The following FOXK1 variants were observed in gnomAD, a reference collection of about 807,000 sequenced individuals.
FOXK1 encodes forkhead box K1.
FOXK1 carries 19 observed loss-of-function variants against 51.9 expected under a neutral mutation model. The ratio of observed to expected loss-of-function variants is 0.37; its 90% CI spans 0.26 to 0.54. The LOEUF is 0.54. Ranked by LOEUF, FOXK1 falls within the 20% of genes least tolerant of loss-of-function variation. The pLI, the probability that FOXK1 is intolerant of heterozygous loss-of-function variation, is 0.87. For missense variants in FOXK1, 870 were observed against 1,032.7 expected, an observed-to-expected ratio of 0.84 and a Z score of 2.16; for synonymous variants, 537 against 482.6, an observed-to-expected ratio of 1.11 and a Z score of -1.48.
In FOXK1 at chr7:4,709,960, G is replaced by A. The variant is rs1051746799; in HGVS notation, c.560+27092G>A. Reference sequence around the variant, plus strand: ...TGTTAGGCGTTAACATTGTTCCCGCGTGAAGGGGTAGAAGAACAGGCAAAA... The same window carrying A: ...TGTTAGGCGTTAACATTGTTCCCGCATGAAGGGGTAGAAGAACAGGCAAAA... On this transcript the variant is annotated intron_variant, in intron 1 of 8. Transcript: ENST00000328914. The surrounding 1 kb of genome is among the most constrained non-coding windows in gnomAD (Gnocchi z 5.6). 7.9e-5 allele frequency among the ~76,000 whole-genome samples: 12 copies of A among 152,352 alleles called. No individual in the cohort carries two copies. Among genetic ancestry groups the A allele is most frequent in the African/African-American group, 1.9e-4 (8 of 41,584 alleles).
chr7:4,718,196 C>T (rs1332624447), intron 1 of FOXK1, among the ~76,000 whole-genome samples: 3 of 150,800 alleles, frequency 2.0e-5, no homozygotes, highest in Admixed American at 2.0e-4. Flanking sequence ...GCATCACAGC[C>T]GGGAAGTTGG....
intron 1 of FOXK1, among the ~76,000 whole-genome samples, chr7:4,708,623 A>T (rs1406254819): frequency 6.6e-6 from 1 of 152,248 alleles, no homozygotes; most frequent in African/African-American, 2.4e-5. Context: ...GTGGCCTGGT[A>T]AGGAGAGTTC....
intron 1 of FOXK1, among the ~76,000 whole-genome samples, chr7:4,699,315 C>T (rs1779991692): frequency 1.4e-5 from 2 of 147,866 alleles, no homozygotes; most frequent in South Asian, 2.2e-4. Context: ...GACAGTCTCA[C>T]TCTGTCACCC....
intron 1 of FOXK1, among the ~76,000 whole-genome samples, chr7:4,712,542 G>A (rs534424921): frequency 7.2e-5 from 11 of 152,236 alleles, no homozygotes; most frequent in South Asian, 6.2e-4. Flanking sequence ...CCTGCCCCGC[G>A]CGCTTATTTG....
chr7:4,721,177 G>A (rs1216028119), intron 1 of FOXK1, among the ~76,000 whole-genome samples: 6 of 152,150 alleles, frequency 3.9e-5, no homozygotes, highest in East Asian at 1.9e-4. Flanking sequence ...GAGGTTCTCC[G>A]TTCAGTCTGC....
At chr7:4,720,477 CT>C (rs1342123075) in intron 1 of FOXK1, among the ~76,000 whole-genome samples, 1 of 152,098 alleles carries the variant, frequency 6.6e-6, no homozygotes, top group Non-Finnish European at 1.5e-5. Context: ...CTTTTTCATT[CT>C]GTGTGAGCCC....
intron 1 of FOXK1, among the ~76,000 whole-genome samples, chr7:4,712,993 G>A (rs1481239505): frequency 6.6e-6 from 1 of 152,152 alleles, no homozygotes; most frequent in East Asian, 1.9e-4. Context: ...AAAGAGGGGC[G>A]ATAATGACCA....
chr7:4,699,593 C>T (rs1040654327), intron 1 of FOXK1, among the ~76,000 whole-genome samples: 11 of 152,072 alleles, frequency 7.2e-5, no homozygotes, highest in African/African-American at 2.7e-4. Context: ...GTCTCGAACT[C>T]CTGGCCTCAA....
intron 1 of FOXK1, among the ~76,000 whole-genome samples, chr7:4,688,616 G>A (rs1779850750): frequency 6.6e-6 from 1 of 152,056 alleles, no homozygotes; most frequent in East Asian, 1.9e-4. Flanking sequence ...TCGAAGTCCT[G>A]TCTCCAGTGA....
chr7:4,742,469 T>C (rs1451367499), intron 2 of FOXK1, among the ~76,000 whole-genome samples: 2 of 152,034 alleles, frequency 1.3e-5, no homozygotes, highest in Non-Finnish European at 1.5e-5. Flanking sequence ...CAGGCTAGAG[T>C]GCAGTGGCGC....
Position 4,753,534 on chromosome 7 carries a change from C to T in FOXK1, c.747-925C>T, listed in dbSNP as rs1167529169. Reference sequence around the variant, plus strand: ...GGGGGATGTCAGCATCACAGGTGGGCAGGGTCCATCTCAGGACGGGGCTAG... The same window carrying T: ...GGGGGATGTCAGCATCACAGGTGGGTAGGGTCCATCTCAGGACGGGGCTAG... On this transcript the variant is annotated intron_variant, in intron 2 of 8. Coordinates refer to ENST00000328914, the MANE Select transcript of FOXK1 (RefSeq NM_001037165.2). This position sits in a 1 kb window ranked among gnomAD's most constrained non-coding sequence, Gnocchi z 4.9. Among the ~76,000 whole-genome samples the T allele has an allele frequency of 6.6e-6, 1 of 152,122 alleles. No homozygotes were observed. Among genetic ancestry groups the T allele is most frequent in the East Asian group, 1.9e-4 (1 of 5,192 alleles).
rs1295329556 is a variant in FOXK1 at position 4,715,384 on chromosome 7, A to C, written c.561-25454A>C. 6.6e-6 allele frequency among the ~76,000 whole-genome samples: 1 copy of C among 152,124 alleles called. No individual in the cohort carries two copies. The highest frequency in any genetic ancestry group is 1.5e-5 in the Non-Finnish European group (1 of 68,026). On this transcript the variant is annotated intron_variant, in intron 1 of 8. Transcript: ENST00000328914. This position sits in a 1 kb window ranked among gnomAD's most constrained non-coding sequence, Gnocchi z 4.5. ...GCGCTCAGCTGTGGGTGGCCCGTGT[A>C]CAGGAATGGGATCGCACGGTGGTCC...
intron 7 of FOXK1, chr7:4,759,808 A>G (rs1583213146): frequency 1.6e-6 from 1 of 626,424 alleles, no homozygotes; most frequent in East Asian, 2.9e-5. Flanking sequence ...AAGCGGGTGG[A>G]TTACTTGAGG....
rs963179388 is a variant in FOXK1, at chr7:4,723,182, G to A, written c.561-17656G>A. Among the ~76,000 whole-genome samples, 15 of 151,856 alleles carry A rather than the reference G, an allele frequency of 9.9e-5. No individual in the cohort carries two copies. Among genetic ancestry groups the A allele is most frequent in the African/African-American group, 3.1e-4 (13 of 41,348 alleles). ...CACTGGGTCCAGGGCGCCTGCTCGC[G>A]GTCACCCATAGGGTGGGTGGACACC... is the stretch of plus-strand genomic sequence containing the variant. On this transcript the variant is annotated intron_variant, in intron 1 of 8. Transcript: ENST00000328914. This position sits in a 1 kb window ranked among gnomAD's most constrained non-coding sequence, Gnocchi z 4.7.
At position 4,734,051 on chromosome 7, in the gene FOXK1, C is replaced by T. The variant is rs892269888; in HGVS notation, c.561-6787C>T. Among the ~76,000 whole-genome samples, 7 of 152,170 alleles carry T rather than the reference C, an allele frequency of 4.6e-5. No individual in the cohort carries two copies. The highest frequency in any genetic ancestry group is 7.2e-5 in the African/African-American group (3 of 41,436). On this transcript the variant is annotated intron_variant, in intron 1 of 8. Transcript: ENST00000328914. The surrounding 1 kb of genome is among the most constrained non-coding windows in gnomAD (Gnocchi z 5.2). ...AGGGAAGGCCATCAGACTTCCAGCT[C>T]GTCACCCATGTCCTCAACCCCTAAC...
Position 4,761,174 on chromosome 7 carries a change from A to G in FOXK1, c.1807A>G (p.Ile603Val). ...APGVPGHTVT[I>V]LQPATPVTLG... is the part of the protein sequence containing the mutation. ...CGGGGTCCCCGGACACACGGTCACC[A>G]TCCTGCAGCCCGCCACACCCGTGAC... Residue 603 changes from isoleucine to valine, a missense_variant, in exon 8 of 9, where the codon ATC (isoleucine) becomes GTC (valine). Physicochemically the swap from Ile to Val is conservative, Grantham distance 29 (BLOSUM62 3). Coordinates refer to ENST00000328914, the MANE Select transcript of FOXK1 (RefSeq NM_001037165.2). The surrounding 1 kb of genome is among the most constrained non-coding windows in gnomAD (Gnocchi z 6.2). 1 of 1,612,632 alleles carries G rather than the reference A, an allele frequency of 6.2e-7. No homozygotes were observed. Among genetic ancestry groups the G allele is most frequent in the Non-Finnish European group, 8.5e-7 (1 of 1,179,970 alleles).
Position 4,705,656 on chromosome 7 carries a change from C to G in FOXK1, c.560+22788C>G, listed in dbSNP as rs145338038. Among the ~76,000 whole-genome samples the G allele has an allele frequency of 2.1e-3, 319 of 151,708 alleles. 1 individual carries two copies. The highest frequency in any genetic ancestry group is 7.3e-3 in the African/African-American group (302 of 41,376). On this transcript the variant is annotated intron_variant, in intron 1 of 8. Transcript: ENST00000328914. ...CATTGAAGCAATTCTCCTGCCTCAG[C>G]CTCCCAAGCAGCTGGGACTATACAG...
intron 2 of FOXK1, among the ~76,000 whole-genome samples, chr7:4,751,885 TTTC>T (rs1294785624): frequency 1.3e-5 from 2 of 152,300 alleles, no homozygotes; most frequent in East Asian, 3.9e-4. Flanking sequence ...TTCGCCAACC[TTTC>T]TTATTTCCAC....
rs1464676654 is a variant in FOXK1 at position 4,745,308 on chromosome 7, C to G, written c.746+4285C>G. ...GGGCTCGCCCAGGGCCCCTCATTCC[C>G]AGGAGTCGGGAGTGGCTTGGGAGCG... On this transcript the variant is annotated intron_variant, in intron 2 of 8. Coordinates refer to ENST00000328914, the MANE Select transcript of FOXK1 (RefSeq NM_001037165.2). This position sits in a 1 kb window ranked among gnomAD's most constrained non-coding sequence, Gnocchi z 4.3. Among the ~76,000 whole-genome samples, 3 of 152,178 alleles carry G rather than the reference C, an allele frequency of 2.0e-5. No individual in the cohort carries two copies. Among genetic ancestry groups the G allele is most frequent in the African/African-American group, 7.2e-5 (3 of 41,452 alleles).
Sources: allele counts gnomAD v4.1 joint callset (sites outside exome capture counted in the v4.1 genomes callset), GRCh38; gene constraint gnomAD v4.1.1; non-coding constraint Gnocchi (gnomAD v3.1); transcripts MANE v1.5; gene names NCBI Gene and HGNC (gene_info 2026-07-23, HGNC 2026-07-21).